ZNF385B: variants seen among roughly 807,000 people sequenced by gnomAD.
ZNF385B encodes zinc finger protein 533.
Under a neutral mutation model 39.2 loss-of-function variants are expected in ZNF385B, and 23 were observed. The ratio of observed to expected loss-of-function variants is 0.59; its 90% CI spans 0.42 to 0.83. ZNF385B has a LOEUF of 0.83. Ranked by LOEUF, ZNF385B falls within the 40% of genes least tolerant of loss-of-function variation. The probability of loss-of-function intolerance (pLI) is 0.00; values close to 1 mark genes in which losing one functional copy is unlikely to be tolerated. For missense variants in ZNF385B, 552 were observed against 598.9 expected (o/e 0.92, Z 0.82); for synonymous variants, 205 against 222.6 (o/e 0.92, Z 0.70).
intron 1 of ZNF385B, among the ~76,000 whole-genome samples, chr2:179,832,635 C>T (rs1162177999): frequency 6.6e-6 from 1 of 152,178 alleles, no homozygotes; most frequent in Non-Finnish European, 1.5e-5. Flanking sequence ...ACATTCTAGC[C>T]ACCCTGTGAG....
rs1307071002 is a variant in ZNF385B at position 179,713,037 on chromosome 2, A to G, written c.298+56466T>C. On this transcript the variant is annotated intron_variant, in intron 3 of 9. Transcript: ENST00000410066. ...GTGATCAGGAGGGTAAACAACCCAC[A>G]CTCCACAGTGGACTGTGTTGCCAGA... Among the ~76,000 whole-genome samples, 3 of 151,962 alleles carry G rather than the reference A, an allele frequency of 2.0e-5. No individual in the cohort carries two copies. In the South Asian group the frequency reaches 6.2e-4, roughly 32 times the overall value.
intron 3 of ZNF385B, among the ~76,000 whole-genome samples, chr2:179,757,675 C>T (rs1703128147): frequency 6.6e-6 from 1 of 152,224 alleles, no homozygotes; most frequent in African/African-American, 2.4e-5. Context: ...GCGCCCCTCC[C>T]CCAGTCTTGC....
At chr2:179,716,522 A>G (rs1700340710) in intron 3 of ZNF385B, among the ~76,000 whole-genome samples, 2 of 152,250 alleles carry the variant, frequency 1.3e-5, no homozygotes, top group African/African-American at 2.4e-5. Flanking sequence ...TAAATTATGT[A>G]TCTGATTTAC....
At chr2:179,593,947 A>G (rs969492301) in intron 3 of ZNF385B, among the ~76,000 whole-genome samples, 1 of 152,154 alleles carries the variant, frequency 6.6e-6, no homozygotes, top group South Asian at 2.1e-4. Context: ...CCTTCTCCCA[A>G]TTACAATTTT....
chr2:179,749,663 A>T (rs1408090732), intron 3 of ZNF385B, among the ~76,000 whole-genome samples: 1 of 152,080 alleles, frequency 6.6e-6, no homozygotes, highest in East Asian at 1.9e-4. Flanking sequence ...GGCTTGGCTC[A>T]CTACTGAAAA....
At chr2:179,837,072 T>A (rs1708293919) in intron 1 of ZNF385B, among the ~76,000 whole-genome samples, 1 of 152,176 alleles carries the variant, frequency 6.6e-6, no homozygotes, top group Non-Finnish European at 1.5e-5. Flanking sequence ...GAATGAGAGC[T>A]AATTAAAGGG....
At chr2:179,448,585 TA>T (rs1391479750) in intron 6 of ZNF385B, among the ~76,000 whole-genome samples, 2 of 152,156 alleles carry the variant, frequency 1.3e-5, no homozygotes, top group African/African-American at 4.8e-5. Context: ...TACAAAGTGC[TA>T]TCACTTACAT....
chr2:179,695,387 G>A (rs1698662719), intron 3 of ZNF385B, among the ~76,000 whole-genome samples: 1 of 151,950 alleles, frequency 6.6e-6, no homozygotes, highest in South Asian at 2.1e-4. Context: ...ACACCATCAA[G>A]AAAGTGAAAA....
chr2:179,562,920 A>C (rs889956578), intron 3 of ZNF385B, among the ~76,000 whole-genome samples: 2 of 152,200 alleles, frequency 1.3e-5, no homozygotes, highest in African/African-American at 4.8e-5. Flanking sequence ...TTTTATTTCA[A>C]AGAGAAATGT....
intron 5 of ZNF385B, among the ~76,000 whole-genome samples, chr2:179,483,660 G>C (rs1263306528): frequency 3.3e-5 from 5 of 152,144 alleles, no homozygotes; most frequent in Non-Finnish European, 7.3e-5. Context: ...TAAAAAACCA[G>C]ACATTATATG....
chr2:179,744,700 A>T (rs1035516629), intron 3 of ZNF385B, among the ~76,000 whole-genome samples: 3 of 152,152 alleles, frequency 2.0e-5, no homozygotes, highest in Non-Finnish European at 4.4e-5. Context: ...AAAAACACAT[A>T]CACTTATATA....
chr2:179,558,450 C>T (rs1312700971), intron 3 of ZNF385B, among the ~76,000 whole-genome samples: 1 of 152,098 alleles, frequency 6.6e-6, no homozygotes. Flanking sequence ...CCATCCCAAG[C>T]CTGTTTAATT....
chr2:179,842,348 T>C (rs1264180897), intron 1 of ZNF385B, among the ~76,000 whole-genome samples: 2 of 152,122 alleles, frequency 1.3e-5, no homozygotes, highest in African/African-American at 4.8e-5. Flanking sequence ...TGTTCAGAAA[T>C]TTCTCCTCAT....
chr2:179,816,853 AAGATATGCACC>A (rs1476048603), intron 1 of ZNF385B, among the ~76,000 whole-genome samples: 10 of 152,206 alleles, frequency 6.6e-5, no homozygotes, highest in African/African-American at 2.2e-4. Flanking sequence ...TACTTTTCAA[AAGATATGCACC>A]AACGGACCAG....
At chr2:179,680,984 A>C (rs1697460301) in intron 3 of ZNF385B, among the ~76,000 whole-genome samples, 1 of 152,200 alleles carries the variant, frequency 6.6e-6, no homozygotes, top group East Asian at 1.9e-4. Context: ...GTTAAGTCTA[A>C]CACTTCAATT....
intron 5 of ZNF385B, among the ~76,000 whole-genome samples, chr2:179,509,152 TA>T (rs1364329695): frequency 2.0e-5 from 3 of 152,194 alleles, no homozygotes. Context: ...TTCACCATGT[TA>T]ACCAGGATGG....
At chr2:179,473,238 T>A (rs1245966440) in intron 6 of ZNF385B, among the ~76,000 whole-genome samples, 1 of 152,138 alleles carries the variant, frequency 6.6e-6, no homozygotes, top group African/African-American at 2.4e-5. Context: ...GAAACCTTAA[T>A]ATCCTGAAAT....
intron 1 of ZNF385B, among the ~76,000 whole-genome samples, chr2:179,782,550 T>A (rs557723199): frequency 6.6e-6 from 1 of 152,298 alleles, no homozygotes; most frequent in South Asian, 2.1e-4. Context: ...AACTATCTGT[T>A]TGCAGATGAT....
At chr2:179,808,060 T>C (rs1384104660) in intron 1 of ZNF385B, among the ~76,000 whole-genome samples, 2 of 151,890 alleles carry the variant, frequency 1.3e-5, no homozygotes, top group Non-Finnish European at 2.9e-5. Context: ...TGTGACGGAG[T>C]CTTGCTCTGT....
Sources: allele counts gnomAD v4.1 joint callset (sites outside exome capture counted in the v4.1 genomes callset), GRCh38; gene constraint gnomAD v4.1.1; transcripts MANE v1.5; gene names NCBI Gene and HGNC (gene_info 2026-07-23, HGNC 2026-07-21).